The following RGPD2 variants were observed in gnomAD, a reference collection of about 807,000 sequenced individuals.
RGPD2 encodes RANBP2 like and GRIP domain containing 2.
A neutral mutation model predicts 36.0 loss-of-function variants in RGPD2; 2 were observed. The observed-to-expected ratio is 0.06, with a 90% CI of 0.02 to 0.17. The LOEUF (loss-of-function observed/expected upper bound fraction) is 0.17. RGPD2 is among the 10% of genes least tolerant of loss of function. The pLI is 1.00. For missense variants in RGPD2, 40 were observed against 464.3 expected, an observed-to-expected ratio of 0.09 and a Z score of 8.40; for synonymous variants, 19 against 163.8, an observed-to-expected ratio of 0.12 and a Z score of 6.75.
chr2:87,947,428 C>T, the RGPD2 span, among the ~76,000 whole-genome samples: 5 of 152,306 alleles, frequency 3.3e-5, no homozygotes, highest in Non-Finnish European at 5.9e-5. Flanking sequence ...AGCTGTGAAA[C>T]TCACTCATTT....
At chr2:87,955,311 G>C in the RGPD2 span, among the ~76,000 whole-genome samples, 1 of 143,134 alleles carries the variant, frequency 7.0e-6, no homozygotes, top group Non-Finnish European at 1.5e-5. Context: ...CACCGCGCCC[G>C]GCCGAAAAGT....
the RGPD2 span, among the ~76,000 whole-genome samples, chr2:87,859,538 TC>T: frequency 6.6e-6 from 1 of 152,180 alleles, no homozygotes; most frequent in Non-Finnish European, 1.5e-5. Context: ...ACACACACAT[TC>T]CTCCTCTTAA....
At chr2:87,837,325 G>A in the RGPD2 span, among the ~76,000 whole-genome samples, 2 of 151,806 alleles carry the variant, frequency 1.3e-5, no homozygotes, top group Non-Finnish European at 2.9e-5. Context: ...CAGTCATAAA[G>A]CAATTCTCGA....
the RGPD2 span, among the ~76,000 whole-genome samples, chr2:87,937,792 G>A: frequency 6.6e-6 from 1 of 151,948 alleles, no homozygotes; most frequent in Non-Finnish European, 1.5e-5. Context: ...AAGGCAAAGG[G>A]AAGAAACTAG....
At position 87,756,720 on chromosome 2, in the gene RGPD2, G is replaced by T. The variant is rs1474090468; in HGVS notation, c.*672C>A. 3.6e-6 allele frequency: 2 copies of T among 560,716 alleles called. No homozygotes were observed. Among genetic ancestry groups the T allele is most frequent in the African/African-American group, 3.8e-5 (2 of 52,840 alleles). The allele number at this position is 560,716 out of a possible 1,614,324, so 34.7% of individuals were successfully genotyped here. A position where few individuals can be genotyped will look rare whatever the true frequency, so the allele number is the denominator to read the frequency against. On this transcript the variant is annotated 3_prime_UTR_variant, in exon 23 of 23. Coordinates refer to ENST00000398146, the MANE Select transcript of RGPD2 (RefSeq NM_001078170.3). The stretch of plus-strand genomic sequence containing the variant: ...ATCTTTTAGAAAGCAGAAACAGGGG[G>T]TCTGGTGCATGAGATCTTTTTCTCA...
chr2:87,913,502 C>T, the RGPD2 span, among the ~76,000 whole-genome samples: 1 of 150,742 alleles, frequency 6.6e-6, no homozygotes, highest in East Asian at 1.9e-4. Flanking sequence ...ATGTAACAAA[C>T]CTGCATGTTG....
the RGPD2 span, among the ~76,000 whole-genome samples, chr2:87,846,194 A>G: frequency 6.6e-6 from 1 of 151,832 alleles, no homozygotes; most frequent in African/African-American, 2.4e-5. Context: ...TATAATTCAC[A>G]TACCATACAA....
chr2:87,911,198 C>T, the RGPD2 span, among the ~76,000 whole-genome samples: 9 of 126,600 alleles, frequency 7.1e-5, no homozygotes, highest in African/African-American at 2.6e-4. Flanking sequence ...GATGTATATG[C>T]TGGACCGTAA....
the RGPD2 span, among the ~76,000 whole-genome samples, chr2:87,845,917 A>G: frequency 6.6e-6 from 1 of 151,904 alleles, no homozygotes; most frequent in African/African-American, 2.4e-5. Context: ...GTATTATCTT[A>G]TAATTTTAAA....
the RGPD2 span, among the ~76,000 whole-genome samples, chr2:87,935,608 C>T: frequency 1.1e-4 from 17 of 150,646 alleles, no homozygotes; most frequent in African/African-American, 2.2e-4. Flanking sequence ...CAGAAAACTC[C>T]GATATTTTTG....
Position 87,757,344 on chromosome 2 carries a change from TGTC to T in RGPD2, c.*45_*47del, listed in dbSNP as rs1684774447. ...AAGCAGACAGAAAGAATCTTTTTGA[TGTC>T]GATGTTCAACTATTTTTGGCACCAT... On this transcript the variant is annotated 3_prime_UTR_variant, in exon 23 of 23. Coordinates refer to ENST00000398146, the MANE Select transcript of RGPD2 (RefSeq NM_001078170.3). 2.7e-5 allele frequency: 1 copy of T among 36,938 alleles called. No individual in the cohort carries two copies. The allele number at this position is 36,938 out of a possible 1,614,324, so 2.3% of individuals were successfully genotyped here.
chr2:87,962,086 G>A, the RGPD2 span, among the ~76,000 whole-genome samples: 2 of 146,436 alleles, frequency 1.4e-5, no homozygotes, highest in African/African-American at 5.0e-5. Flanking sequence ...TATTTCACTA[G>A]CAGAATAACA....
the RGPD2 span, among the ~76,000 whole-genome samples, chr2:87,977,577 G>T: frequency 2.0e-5 from 3 of 150,024 alleles, no homozygotes; most frequent in African/African-American, 7.5e-5. Context: ...ACTCTGGGAG[G>T]CTGAAATGGG....
the RGPD2 span, chr2:87,985,586 A>G: frequency 1.3e-6 from 1 of 797,214 alleles, no homozygotes; most frequent in African/African-American, 1.7e-5. Context: ...GATTTACAAC[A>G]TATAGATACA....
At chr2:87,861,230 T>A in the RGPD2 span, among the ~76,000 whole-genome samples, 1 of 151,390 alleles carries the variant, frequency 6.6e-6, no homozygotes, top group Non-Finnish European at 1.5e-5. Flanking sequence ...TATTATAGAA[T>A]TGACATTTTC....
the RGPD2 span, among the ~76,000 whole-genome samples, chr2:87,964,146 A>T: frequency 6.6e-6 from 1 of 152,212 alleles, no homozygotes; most frequent in Non-Finnish European, 1.5e-5. Context: ...CCAAAGAGAG[A>T]ATCTTCTTGA....
chr2:87,844,552 C>T, the RGPD2 span, among the ~76,000 whole-genome samples: 1 of 148,786 alleles, frequency 6.7e-6, no homozygotes, highest in Non-Finnish European at 1.5e-5. Context: ...AAAATAATTT[C>T]ACGTAATTTT....
the RGPD2 span, among the ~76,000 whole-genome samples, chr2:87,978,826 G>A: frequency 7.0e-6 from 1 of 142,980 alleles, no homozygotes; most frequent in Non-Finnish European, 1.5e-5. Context: ...GCTGAGGTAG[G>A]AGGATGGCTT....
At chr2:87,938,008 T>C in the RGPD2 span, among the ~76,000 whole-genome samples, 1 of 151,800 alleles carries the variant, frequency 6.6e-6, no homozygotes. Flanking sequence ...TTGAAACACC[T>C]TAGTAGTATG....
Sources: allele counts gnomAD v4.1 joint callset (sites outside exome capture counted in the v4.1 genomes callset), GRCh38; gene constraint gnomAD v4.1.1; transcripts MANE v1.5; gene names NCBI Gene and HGNC (gene_info 2026-07-23, HGNC 2026-07-21).